Variants in TSPEAR observed in about 807,000 individuals in gnomAD.
The protein encoded by TSPEAR is thrombospondin-type laminin G domain and EAR repeat-containing protein.
Under a neutral mutation model 71.6 loss-of-function variants are expected in TSPEAR, and 69 were observed. The observed-to-expected ratio is 0.96, with a 90% confidence interval of 0.79 to 1.18. The LOEUF is 1.18. Among genes scored for constraint, TSPEAR ranks in the 50% most tolerant of loss-of-function variants. TSPEAR has a pLI of 0.00. For synonymous variants in TSPEAR, 402 were observed against 387.2 expected, an observed-to-expected ratio of 1.04 and a Z score of -0.45; for missense variants, 971 against 894.9, an observed-to-expected ratio of 1.09 and a Z score of -1.09.
In TSPEAR at chr21:44,711,562, G is replaced by A. The variant is rs782141062; in HGVS notation, c.-48C>T. ...CATCCAGGGCTCCGCTCAGCCTGCA[G>A]GGAAGTGGCTGCTCCTCAGACGTCT... On this transcript the variant is annotated 5_prime_UTR_variant, in exon 1 of 12. Coordinates refer to ENST00000323084, the MANE Select transcript of TSPEAR (RefSeq NM_144991.3). The surrounding 1 kb of genome is among the most constrained non-coding windows in gnomAD (Gnocchi z 4.5). The A allele has an allele frequency of 8.5e-5, 133 of 1,571,216 alleles. No homozygotes were observed. Among genetic ancestry groups the A allele is most frequent in the Middle Eastern group, 5.0e-4 (3 of 5,952 alleles).
chr21:44,514,655 A>G (rs1461871435), intron 9 of TSPEAR, among the ~76,000 whole-genome samples: 1 of 152,206 alleles, frequency 6.6e-6, no homozygotes. Context: ...ACTCCTCGTC[A>G]GCTCAGGGAG....
chr21:44,592,451 C>G (rs782354584), intron 1 of TSPEAR: 3 of 1,611,404 alleles, frequency 1.9e-6, no homozygotes, highest in Non-Finnish European at 2.5e-6. Context: ...TAGCTCAGGT[C>G]GCTGGAGCAG....
intron 1 of TSPEAR, chr21:44,666,869 G>A (rs1985809553): frequency 1.9e-6 from 3 of 1,613,666 alleles, no homozygotes; most frequent in African/African-American, 2.7e-5. Context: ...AGCCCGAGGA[G>A]CAGCTGGTAT....
intron 2 of TSPEAR, among the ~76,000 whole-genome samples, chr21:44,560,386 G>A (rs2053614746): frequency 6.6e-6 from 1 of 152,136 alleles, no homozygotes; most frequent in African/African-American, 2.4e-5. Flanking sequence ...ATAATAGTGG[G>A]AAACTTTAAC....
At chr21:44,611,101 G>T (rs1981637831) in intron 1 of TSPEAR, among the ~76,000 whole-genome samples, 1 of 152,140 alleles carries the variant, frequency 6.6e-6, no homozygotes, top group Admixed American at 6.5e-5. Flanking sequence ...GTGGACTTTT[G>T]GGTTAATGCT....
At chr21:44,538,489 C>T (rs1282533780) in intron 2 of TSPEAR, among the ~76,000 whole-genome samples, 1 of 151,916 alleles carries the variant, frequency 6.6e-6, no homozygotes, top group African/African-American at 2.4e-5. Context: ...TGCCTCCATC[C>T]GCCCACCCCA....
intron 10 of TSPEAR, 151 bp downstream of exon 10, chr21:44,509,048 C>T (rs2052279816): frequency 7.3e-7 from 1 of 1,367,816 alleles, no homozygotes; most frequent in African/African-American, 1.5e-5. Flanking sequence ...ATTCTTTCCA[C>T]AGGAAGGTCC....
At chr21:44,551,373 A>G (rs782255065) in intron 2 of TSPEAR, 35 of 1,612,828 alleles carry the variant, frequency 2.2e-5, no homozygotes, top group African/African-American at 1.3e-4. Context: ...GCCGCAGGGG[A>G]GCTCACAGCA....
At chr21:44,522,173 C>G (rs1488047144) in intron 8 of TSPEAR, 61 bp from the exon 9 acceptor site, 1 of 1,529,820 alleles carries the variant, frequency 6.5e-7, no homozygotes, top group Non-Finnish European at 9.0e-7. Flanking sequence ...ATGGCAGCCC[C>G]GACGGAGGCA....
Position 44,703,531 on chromosome 21 carries a change from G to A in TSPEAR, c.82+7902C>T, listed in dbSNP as rs138025434. On this transcript the variant is annotated intron_variant, in intron 1 of 11. Coordinates refer to ENST00000323084, the MANE Select transcript of TSPEAR (RefSeq NM_144991.3). ...GCAGGCACAGCTGAAGCTGAGTGTC[G>A]CTGTGGTCAACCAGCTCCTAGGTGG... is the stretch of plus-strand genomic sequence containing the variant. Among the ~76,000 whole-genome samples the A allele has an allele frequency of 6.0e-3, 907 of 152,316 alleles. 11 individuals carry two copies. The highest frequency in any genetic ancestry group is 0.021 in the African/African-American group (870 of 41,572).
At chr21:44,654,575 A>C (rs782423754) in intron 1 of TSPEAR, 3 of 1,603,626 alleles carry the variant, frequency 1.9e-6, no homozygotes, top group Non-Finnish European at 2.6e-6. Context: ...GAGCCAGGGC[A>C]GGCCATTGGG....
At chr21:44,588,509 A>G (rs587696739) in intron 1 of TSPEAR, among the ~76,000 whole-genome samples, 11 of 152,228 alleles carry the variant, frequency 7.2e-5, no homozygotes, top group African/African-American at 2.6e-4. Context: ...CATTTGATCC[A>G]GCAAATCCAC....
chr21:44,699,116 C>T (rs13049613), intron 1 of TSPEAR, among the ~76,000 whole-genome samples: 103,155 of 151,754 alleles, frequency 0.68, 35,194 homozygotes, highest in Middle Eastern at 0.83. Context: ...AAGAATCACT[C>T]GAGCCGGGAG....
intron 1 of TSPEAR, chr21:44,654,153 G>T: frequency 1.4e-6 from 1 of 738,968 alleles, no homozygotes; most frequent in Non-Finnish European, 2.3e-6. Flanking sequence ...CGCAAAGGAG[G>T]CAGGCGGTCT....
intron 2 of TSPEAR, chr21:44,550,845 GC>G (rs1344832809): frequency 6.5e-7 from 1 of 1,530,192 alleles, no homozygotes; most frequent in African/African-American, 1.4e-5. Context: ...CGGAGAGGAA[GC>G]CCCAGAGCAA....
intron 9 of TSPEAR, among the ~76,000 whole-genome samples, chr21:44,515,015 A>G (rs1432755157): frequency 3.9e-5 from 6 of 151,930 alleles, no homozygotes; most frequent in Non-Finnish European, 8.8e-5. Context: ...AGCTCCTCAA[A>G]CCCCACCTGC....
intron 10 of TSPEAR, chr21:44,508,882 C>G (rs782156439): frequency 1.4e-6 from 2 of 1,449,384 alleles, no homozygotes; most frequent in Admixed American, 1.8e-5. Flanking sequence ...TCCCTCCGCA[C>G]GACGGGCATG....
At chr21:44,508,484 C>T in intron 10 of TSPEAR, 2 of 1,026,042 alleles carry the variant, frequency 1.9e-6, no homozygotes, top group Non-Finnish European at 2.3e-6. Flanking sequence ...GACCCATGGC[C>T]CCTGGCTCTG....
chr21:44,580,078 G>A (rs1899473210), intron 1 of TSPEAR: 3 of 1,613,670 alleles, frequency 1.9e-6, no homozygotes, highest in South Asian at 2.2e-5. Context: ...ACTGCTGGCA[G>A]GGGGAGGAGG....
Sources: allele counts gnomAD v4.1 joint callset (sites outside exome capture counted in the v4.1 genomes callset), GRCh38; gene constraint gnomAD v4.1.1; non-coding constraint Gnocchi (gnomAD v3.1); transcripts MANE v1.5; gene names NCBI Gene and HGNC (gene_info 2026-07-23, HGNC 2026-07-21).